Variants in ZFPM1 observed in about 807,000 individuals in gnomAD.
The protein encoded by ZFPM1 is zinc finger protein, FOG family member 1.
A neutral mutation model predicts 46.3 loss-of-function variants in ZFPM1; 28 were observed. The ratio of observed to expected loss-of-function variants is 0.60; its 90% CI spans 0.45 to 0.83. The LOEUF (loss-of-function observed/expected upper bound fraction) is 0.83. Ranked by LOEUF, ZFPM1 falls within the 40% of genes least tolerant of loss-of-function variation. ZFPM1 has a pLI of 0.00. For missense variants in ZFPM1, 1,878 were observed against 1,432.4 expected (o/e 1.31, Z -5.02); for synonymous variants, 957 against 675.9 (o/e 1.42, Z -6.45).
chr16:88,533,404 G>T lies in ZFPM1; in HGVS notation c.1446G>T (p.Gly482=), dbSNP rs1237937359. ...AAPILGPGEP[G]PQAPSRTPSP... ...CCATCCTGGGCCCCGGAGAGCCTGG[G>T]CCCCAGGCCCCGTCGCGGACGCCGT... is the stretch of plus-strand genomic sequence containing the variant. Residue 482 remains glycine (G), a synonymous_variant, in exon 10 of 10, where the codon GGG becomes GGT. Coordinates refer to ENST00000319555, the MANE Select transcript of ZFPM1 (RefSeq NM_153813.3). The T allele has an allele frequency of 8.6e-6, 13 of 1,503,384 alleles. No individual in the cohort carries two copies. In the African/African-American group the frequency reaches 1.9e-4, roughly 22 times the overall value. 93.1% of individuals were successfully genotyped at this position (1,503,384 alleles called of 1,614,324 possible).
rs112649696 is a variant in ZFPM1 at position 88,490,283 on chromosome 16, A to G, written c.268+1130A>G. ...TAGCCAGGATGGTCTCGATCTCCTG[A>G]CCTCGTGATCCGCCCGCCTCGGCCT... On this transcript the variant is annotated intron_variant, in intron 3 of 9. Coordinates refer to ENST00000319555, the MANE Select transcript of ZFPM1 (RefSeq NM_153813.3). 1.6e-3 allele frequency among the ~76,000 whole-genome samples: 239 copies of G among 152,040 alleles called. 1 individual carries two copies. The highest frequency in any genetic ancestry group is 5.6e-3 in the African/African-American group (231 of 41,478).
Position 88,534,361 on chromosome 16 carries a change from G to C in ZFPM1, c.2403G>C (p.Pro801=). Reference sequence around the variant, plus strand: ...GCCCCATCGACCTGAGCAAGAAGCCGCGGCGCCCGCTCCCCGGAGCCCCGG... The same window carrying C: ...GCCCCATCGACCTGAGCAAGAAGCCCCGGCGCCCGCTCCCCGGAGCCCCGG... ...ADGPIDLSKK[P]RRPLPGAPAP... is the part of the protein sequence containing the mutation. The change falls in exon 10 of 10, where the codon CCG becomes CCC. Residue 801 remains proline, a synonymous_variant. Coordinates refer to ENST00000319555, the MANE Select transcript of ZFPM1 (RefSeq NM_153813.3). The C allele has an allele frequency of 7.0e-7, 1 of 1,426,308 alleles. No individual in the cohort carries two copies. Among genetic ancestry groups the C allele is most frequent in the Non-Finnish European group, 9.1e-7 (1 of 1,093,908 alleles). 88.4% of individuals were successfully genotyped at this position (1,426,308 alleles called of 1,614,324 possible). A position where few individuals can be genotyped will look rare whatever the true frequency, so the allele number is the denominator to read the frequency against.
rs373316929 is a variant in ZFPM1 at position 88,510,632 on chromosome 16, T to C, written c.269-3755T>C. ...GTAGTGGCGGCCCCATTCCCCTGGC[T>C]GGGCTCACCCATGCGGCCTAGGTCC... On this transcript the variant is annotated intron_variant, in intron 3 of 9. Coordinates refer to ENST00000319555, the MANE Select transcript of ZFPM1 (RefSeq NM_153813.3). Among the ~76,000 whole-genome samples the C allele has an allele frequency of 6.2e-3, 946 of 152,288 alleles. 13 individuals carry two copies. Among genetic ancestry groups the C allele is most frequent in the African/African-American group, 0.022 (915 of 41,558 alleles).
chr16:88,462,035 C>T (rs917772048), intron 1 of ZFPM1, among the ~76,000 whole-genome samples: 7 of 152,234 alleles, frequency 4.6e-5, no homozygotes, highest in African/African-American at 1.7e-4. Context: ...ATCTCCTCCT[C>T]CCTCCCCAGC....
intron 3 of ZFPM1, among the ~76,000 whole-genome samples, chr16:88,503,828 C>G (rs141567377): frequency 6.6e-6 from 1 of 152,180 alleles, no homozygotes; most frequent in African/African-American, 2.4e-5. Flanking sequence ...AGATCTTGGG[C>G]TCCCGAGGCC....
At chr16:88,510,171 T>TGGGTAAACTGA (rs1311796155) in intron 3 of ZFPM1, among the ~76,000 whole-genome samples, 1 of 152,136 alleles carries the variant, frequency 6.6e-6, no homozygotes, top group African/African-American at 2.4e-5. Flanking sequence ...CTTCTCCATA[T>TGGGTAAACTGA]GGGTAAACTG....
chr16:88,529,159 C>A (rs541498229), intron 6 of ZFPM1, among the ~76,000 whole-genome samples: 180 of 151,374 alleles, frequency 1.2e-3, no homozygotes, highest in Non-Finnish European at 2.1e-3. Flanking sequence ...GCGCCCCGTG[C>A]ACCTCTGTGG....
At chr16:88,495,398 G>A (rs958390692) in intron 3 of ZFPM1, among the ~76,000 whole-genome samples, 2 of 152,270 alleles carry the variant, frequency 1.3e-5, no homozygotes, top group Admixed American at 1.3e-4. Context: ...ACTGGGCTCA[G>A]AGGAAAGCTT....
Position 88,532,165 on chromosome 16 carries a change from C to G in ZFPM1, c.876C>G (p.Cys292Trp), listed in dbSNP as rs1424808978. 5 of 1,612,244 alleles carry G rather than the reference C, an allele frequency of 3.1e-6. No homozygotes were observed. ...PKETYPNERV[C>W]PFPQCRKSCP... ...AGACCTACCCCAACGAGCGCGTCTG[C>G]CCCTTCCCCCAGTGCCGCAAGAGCT... The change falls in exon 7 of 10, where the codon TGC becomes TGG. Residue 292 changes from cysteine (C) to tryptophan (W), a missense_variant. Physicochemically the swap from Cys to Trp is radical, Grantham distance 215 (BLOSUM62 -2). Transcript: ENST00000319555.
chr16:88,493,040 T>TATCCCGGGGTGC (rs1909674368), intron 3 of ZFPM1, among the ~76,000 whole-genome samples: 2 of 90,704 alleles, frequency 2.2e-5, no homozygotes, highest in Non-Finnish European at 4.6e-5. Flanking sequence ...TCCCGGGGTA[T>TATCCCGGGGTGC]GGAGAGCTAT....
intron 1 of ZFPM1, among the ~76,000 whole-genome samples, chr16:88,483,739 C>T (rs988113872): frequency 3.3e-5 from 5 of 152,180 alleles, no homozygotes; most frequent in East Asian, 1.9e-4. Flanking sequence ...ACCTAGCCCT[C>T]GGGTGTCAGC....
rs905407707 is a variant in ZFPM1 at position 88,469,406 on chromosome 16, TCA to T, written c.40+15729_40+15730del. On this transcript the variant is annotated intron_variant, in intron 1 of 9. Transcript: ENST00000319555. This position sits in a 1 kb window ranked among gnomAD's most constrained non-coding sequence, Gnocchi z 4.3. ...AGCAAGCCCCTTGCCGGCCTGGGCC[TCA>T]GTTTCCCCTTCCACACCATGAGGCT... Among the ~76,000 whole-genome samples, 50 of 152,262 alleles carry T rather than the reference TCA, an allele frequency of 3.3e-4. No homozygotes were observed. The highest frequency in any genetic ancestry group is 1.2e-3 in the African/African-American group (49 of 41,552).
At chr16:88,501,153 GTGA>G (rs762384640) in intron 3 of ZFPM1, among the ~76,000 whole-genome samples, 16 of 123,546 alleles carry the variant, frequency 1.3e-4, no homozygotes, top group South Asian at 1.1e-3. Context: ...GCAGGTGCTG[GTGA>G]TGATGGAGAT....
intron 6 of ZFPM1, among the ~76,000 whole-genome samples, chr16:88,528,917 T>C (rs1597285384): frequency 6.6e-6 from 1 of 152,188 alleles, no homozygotes; most frequent in East Asian, 1.9e-4. Flanking sequence ...TGGGGACAAC[T>C]GAAGTGGACA....
intron 1 of ZFPM1, among the ~76,000 whole-genome samples, chr16:88,468,438 A>G (rs1311063243): frequency 6.6e-6 from 1 of 152,172 alleles, no homozygotes; most frequent in Non-Finnish European, 1.5e-5. Context: ...ACAGGAGAAA[A>G]GAGGCCGGCC....
At chr16:88,486,434 T>C (rs1909226952) in intron 2 of ZFPM1, among the ~76,000 whole-genome samples, 1 of 152,206 alleles carries the variant, frequency 6.6e-6, no homozygotes, top group South Asian at 2.1e-4. Context: ...CCTGCTGGCA[T>C]GCTGCTTGGG....
In ZFPM1 at chr16:88,471,033, C is replaced by A. The variant is rs1047561519; in HGVS notation, c.41-14906C>A. Reference sequence around the variant, plus strand: ...GGTGGGGTCCAGCCTCCGCGACAGGCATTCCCTTCCCCGTGTGCCCTTGCC... The same window carrying A: ...GGTGGGGTCCAGCCTCCGCGACAGGAATTCCCTTCCCCGTGTGCCCTTGCC... On this transcript the variant is annotated intron_variant, in intron 1 of 9. Coordinates refer to ENST00000319555, the MANE Select transcript of ZFPM1 (RefSeq NM_153813.3). The surrounding 1 kb of genome is among the most constrained non-coding windows in gnomAD (Gnocchi z 4.1). Among the ~76,000 whole-genome samples the A allele has an allele frequency of 1.3e-5, 2 of 152,180 alleles. No homozygotes were observed. Among genetic ancestry groups the A allele is most frequent in the African/African-American group, 4.8e-5 (2 of 41,432 alleles).
chr16:88,505,571 GC>G (rs1447688042), intron 3 of ZFPM1, among the ~76,000 whole-genome samples: 3 of 152,196 alleles, frequency 2.0e-5, no homozygotes, highest in African/African-American at 7.2e-5. Context: ...GGCCGGCATC[GC>G]CCTCCGCACG....
chr16:88,474,554 C>T (rs1908585218), intron 1 of ZFPM1, among the ~76,000 whole-genome samples: 1 of 152,226 alleles, frequency 6.6e-6, no homozygotes, highest in Non-Finnish European at 1.5e-5. Context: ...CATCCCTGGG[C>T]CGTGCAGGGC....
Sources: allele counts gnomAD v4.1 joint callset (sites outside exome capture counted in the v4.1 genomes callset), GRCh38; gene constraint gnomAD v4.1.1; non-coding constraint Gnocchi (gnomAD v3.1); transcripts MANE v1.5; gene names NCBI Gene and HGNC (gene_info 2026-07-23, HGNC 2026-07-21).